RAPGEF6: variants seen among roughly 807,000 people sequenced by gnomAD.
The protein encoded by RAPGEF6 is PDZ domain containing guanine nucleotide exchange factor (GEF) 2.
RAPGEF6 carries 56 observed loss-of-function variants against 171.4 expected under a neutral mutation model. The ratio of observed to expected loss-of-function variants is 0.33; its 90% CI spans 0.26 to 0.41. RAPGEF6 has a LOEUF of 0.41. RAPGEF6 is among the 10% of genes least tolerant of loss of function. The pLI, the probability that RAPGEF6 is intolerant of heterozygous loss-of-function variation, is 1.00. For synonymous variants in RAPGEF6, 692 were observed against 650.1 expected (o/e 1.06, Z -0.98); for missense variants, 1,674 against 1,921.4 (o/e 0.87, Z 2.41).
chr5:131,493,071 A>C (rs567472584), intron 13 of RAPGEF6, among the ~76,000 whole-genome samples: 1 of 151,814 alleles, frequency 6.6e-6, no homozygotes, highest in South Asian at 2.1e-4. Context: ...TTATTTATTT[A>C]TTTATTTTTT....
intron 1 of RAPGEF6, among the ~76,000 whole-genome samples, chr5:131,606,525 A>C (rs1764601840): frequency 6.6e-6 from 1 of 152,250 alleles, no homozygotes; most frequent in Non-Finnish European, 1.5e-5. Flanking sequence ...TGAATAGGTT[A>C]AAAGAAAGGT....
intron 1 of RAPGEF6, among the ~76,000 whole-genome samples, chr5:131,630,163 CT>C (rs1301454623): frequency 6.6e-6 from 1 of 152,218 alleles, no homozygotes; most frequent in Non-Finnish European, 1.5e-5. Flanking sequence ...CCACCCCAAT[CT>C]TCGGCAACTA....
chr5:131,607,915 A>G (rs1764705151), intron 1 of RAPGEF6, among the ~76,000 whole-genome samples: 1 of 152,242 alleles, frequency 6.6e-6, no homozygotes. Context: ...AACAAAAAAG[A>G]CAAATATATA....
intron 5 of RAPGEF6, 119 bp downstream of exon 5, chr5:131,561,859 T>C (rs1761625286): frequency 4.0e-6 from 3 of 744,832 alleles, no homozygotes; most frequent in East Asian, 5.6e-5. Context: ...CTGATGCTAC[T>C]TGATGAAATC....
intron 1 of RAPGEF6, among the ~76,000 whole-genome samples, chr5:131,618,851 C>T (rs1182536076): frequency 6.6e-6 from 1 of 151,456 alleles, no homozygotes; most frequent in Non-Finnish European, 1.5e-5. Context: ...TTAGTATGCC[C>T]AATAATGGAA....
At chr5:131,490,572 C>T (rs894810428) in intron 14 of RAPGEF6, among the ~76,000 whole-genome samples, 5 of 151,962 alleles carry the variant, frequency 3.3e-5, no homozygotes, top group African/African-American at 1.2e-4. Context: ...AAGGTACCTA[C>T]AAAAGAAGCG....
intron 26 of RAPGEF6, among the ~76,000 whole-genome samples, chr5:131,429,579 C>A (rs1013511332): frequency 1.3e-5 from 2 of 152,054 alleles, no homozygotes; most frequent in African/African-American, 4.8e-5. Context: ...CCCTACACAC[C>A]GATTCTCTGT....
intron 4 of RAPGEF6, among the ~76,000 whole-genome samples, chr5:131,589,408 G>A (rs552997314): frequency 4.6e-5 from 7 of 152,214 alleles, no homozygotes; most frequent in Non-Finnish European, 1.0e-4. Context: ...TACAAATATA[G>A]CTAGCAATGA....
chr5:131,480,928 C>CTTTT (rs34370165), intron 15 of RAPGEF6, among the ~76,000 whole-genome samples: 1 of 142,264 alleles, frequency 7.0e-6, no homozygotes, highest in Non-Finnish European at 1.5e-5. Context: ...TTAGATACTG[C>CTTTT]TTTTTTTTTT....
In RAPGEF6 at chr5:131,498,521, G is replaced by A. The variant is rs145529665; in HGVS notation, c.1341C>T (p.Tyr447=). The A allele has an allele frequency of 1.9e-5, 31 of 1,613,528 alleles. No individual in the cohort carries two copies. Among genetic ancestry groups the A allele is most frequent in the African/African-American group, 1.3e-4 (10 of 75,034 alleles). The change falls in exon 12 of 28, where the codon TAC becomes TAT. Residue 447 remains tyrosine, a synonymous_variant. Coordinates refer to ENST00000509018, the MANE Select transcript of RAPGEF6 (RefSeq NM_016340.6). ...PTYIEDFLLT[Y]RTFLESPLDV... ...CCAAAGGACTTTCAAGAAATGTCCT[G>A]TAAGTTAATAGAAAATCTTCTATAT...
At chr5:131,435,288 A>G (rs1205031025) in intron 24 of RAPGEF6, among the ~76,000 whole-genome samples, 4 of 152,198 alleles carry the variant, frequency 2.6e-5, no homozygotes, top group Non-Finnish European at 5.9e-5. Context: ...ACATCTCTGA[A>G]CTTGGGATCA....
intron 2 of RAPGEF6, among the ~76,000 whole-genome samples, chr5:131,604,232 T>C (rs1764415510): frequency 6.6e-6 from 1 of 152,176 alleles, no homozygotes; most frequent in South Asian, 2.1e-4. Context: ...ACAGGAGTTT[T>C]GTCTTTACTA....
chr5:131,623,946 T>C (rs1373427770), intron 1 of RAPGEF6, among the ~76,000 whole-genome samples: 2 of 152,110 alleles, frequency 1.3e-5, no homozygotes, highest in Non-Finnish European at 2.9e-5. Flanking sequence ...GCACAGTAAT[T>C]ACTACGGTGG....
intron 21 of RAPGEF6, chr5:131,450,050 T>A: frequency 6.5e-7 from 1 of 1,543,244 alleles, no homozygotes. Flanking sequence ...CTTCTTCCTG[T>A]AAGCAAGAGC....
chr5:131,581,168 G>A (rs1010377463), intron 4 of RAPGEF6, among the ~76,000 whole-genome samples: 1 of 152,142 alleles, frequency 6.6e-6, no homozygotes, highest in Non-Finnish European at 1.5e-5. Flanking sequence ...TAGAACCGCC[G>A]AGGCCTTGAT....
At chr5:131,509,880 C>T (rs1040549298) in intron 8 of RAPGEF6, among the ~76,000 whole-genome samples, 2 of 152,184 alleles carry the variant, frequency 1.3e-5, no homozygotes, top group South Asian at 4.1e-4. Context: ...TGATGCATTA[C>T]TCTTGAATAC....
chr5:131,431,892 G>A lies in RAPGEF6; in HGVS notation c.3975-543C>T, dbSNP rs1239640132. ...GGTCATCACAATATTAGACTACTGC[G>A]TCCATGCATACAGAATTAAGAGTTC... On this transcript the variant is annotated intron_variant, in intron 25 of 27. Coordinates refer to ENST00000509018, the MANE Select transcript of RAPGEF6 (RefSeq NM_016340.6). Among the ~76,000 whole-genome samples the A allele has an allele frequency of 5.3e-5, 8 of 152,068 alleles. No individual in the cohort carries two copies. The East Asian group carries it at 1.2e-3, about 22-fold the overall frequency.
At chr5:131,615,418 C>A (rs1487690463) in intron 1 of RAPGEF6, among the ~76,000 whole-genome samples, 2 of 151,966 alleles carry the variant, frequency 1.3e-5, no homozygotes, top group Non-Finnish European at 2.9e-5. Flanking sequence ...CAATTATCTG[C>A]AAGATAAGCT....
chr5:131,547,996 C>G, intron 6 of RAPGEF6, 51 bp downstream of exon 6: 1 of 1,576,282 alleles, frequency 6.3e-7, no homozygotes. Flanking sequence ...ATTAAAGATA[C>G]TAGATATGAA....
Sources: gnomAD v4.1 joint callset for allele counts (sites outside exome capture counted in the v4.1 genomes callset) on GRCh38, gnomAD v4.1.1 for gene constraint, MANE v1.5 for transcripts, NCBI Gene and HGNC (gene_info 2026-07-23, HGNC 2026-07-21) for gene names.